The following ZBTB16 variants were observed in gnomAD, a reference collection of about 807,000 sequenced individuals.
The protein encoded by ZBTB16 is zinc finger and BTB domain-containing protein 16.
In ZBTB16, 8 loss-of-function variants were observed where a neutral mutation model predicts 56.8. That is an observed-to-expected ratio of 0.14 (90% CI 0.08 to 0.25). The LOEUF (loss-of-function observed/expected upper bound fraction) is 0.25, where lower values mean the gene tolerates loss of function less well. Among genes scored for constraint, ZBTB16 ranks in the 10% least tolerant of loss-of-function variants. The pLI is 1.00. For missense variants in ZBTB16, 625 were observed against 903.0 expected (o/e 0.69, Z 3.95); for synonymous variants, 363 against 368.5 (o/e 0.98, Z 0.17).
chr11:114,193,660 G>T (rs1438783646), intron 4 of ZBTB16, among the ~76,000 whole-genome samples: 4 of 152,168 alleles, frequency 2.6e-5, no homozygotes, highest in East Asian at 1.9e-4. Flanking sequence ...GAAGGGAGTT[G>T]CCTGATGACA....
chr11:114,230,228 T>TGTGCAACACACACATGCAC (rs1288479176), intron 4 of ZBTB16, among the ~76,000 whole-genome samples: 1 of 152,106 alleles, frequency 6.6e-6, no homozygotes, highest in African/African-American at 2.4e-5. Context: ...TGCACGTGCA[T>TGTGCAACACACACATGCAC]GTGCAACACA....
intron 2 of ZBTB16, among the ~76,000 whole-genome samples, chr11:114,098,428 A>T (rs1940495158): frequency 6.6e-6 from 1 of 152,294 alleles, no homozygotes; most frequent in East Asian, 1.9e-4. Context: ...CTTTAACGCC[A>T]GACACAGAGC....
intron 5 of ZBTB16, among the ~76,000 whole-genome samples, chr11:114,244,851 C>T (rs900166638): frequency 2.6e-5 from 4 of 152,098 alleles, no homozygotes; most frequent in Non-Finnish European, 4.4e-5. Context: ...CGCCCCCTTC[C>T]CCCCCACCGC....
intron 4 of ZBTB16, among the ~76,000 whole-genome samples, chr11:114,237,911 T>G (rs928209821): frequency 1.3e-5 from 2 of 152,126 alleles, no homozygotes; most frequent in Non-Finnish European, 2.9e-5. Flanking sequence ...TCTCAGAGGC[T>G]CCCCTTTCTT....
At chr11:114,129,305 T>C (rs1442788644) in intron 2 of ZBTB16, among the ~76,000 whole-genome samples, 2 of 152,252 alleles carry the variant, frequency 1.3e-5, no homozygotes, top group Non-Finnish European at 2.9e-5. Context: ...CTGCAATTAC[T>C]GAGTACATTT....
Position 114,242,300 on chromosome 11 carries a change from C to G in ZBTB16, c.1587C>G (p.Ser529Arg). ...ICSECNRTFP[S>R]HTALKRHLRS... ...GTGAGTGCAACCGCACCTTCCCCAG[C>G]CACACGGCTCTCAAACGCCACCTGC... The change falls in exon 5 of 7, where the codon AGC becomes AGG. Residue 529 changes from serine to arginine, a missense_variant. Physicochemically the swap from Ser to Arg is moderately radical, Grantham distance 110 (BLOSUM62 -1). Around this residue, in one of 6 missense-constraint regions of ZBTB16, gnomAD observed 140 missense variants for 214.8 expected, o/e 0.65. Transcript: ENST00000335953. 1 of 1,614,064 alleles carries G rather than the reference C, an allele frequency of 6.2e-7. No homozygotes were observed. The highest frequency in any genetic ancestry group is 8.5e-7 in the Non-Finnish European group (1 of 1,180,046).
intron 4 of ZBTB16, among the ~76,000 whole-genome samples, chr11:114,212,339 G>T (rs1307514064): frequency 2.0e-5 from 3 of 152,060 alleles, no homozygotes; most frequent in Non-Finnish European, 4.4e-5. Context: ...AAAGTAAGGG[G>T]CTTTGTTGTG....
chr11:114,233,129 T>A (rs11214910), intron 4 of ZBTB16, among the ~76,000 whole-genome samples: 620 of 48,126 alleles, frequency 0.013, 4 homozygotes, highest in African/African-American at 0.028. Flanking sequence ...ACACACACTC[T>A]CTCTCTCTCA....
In ZBTB16 at chr11:114,194,488, T is replaced by C. The variant is rs1943564363; in HGVS notation, c.1453+7450T>C. Among the ~76,000 whole-genome samples, 3 of 152,202 alleles carry C rather than the reference T, an allele frequency of 2.0e-5. No individual in the cohort carries two copies. The South Asian group carries it at 6.2e-4, about 32-fold the overall frequency. ...ATGGTTGGGCTGGGCTCAGGCTTTG[T>C]TGTCACATTCAGTTTTCTGTTTTGG... On this transcript the variant is annotated intron_variant, in intron 4 of 6. Transcript: ENST00000335953.
chr11:114,200,489 C>T (rs544956405), intron 4 of ZBTB16, among the ~76,000 whole-genome samples: 27 of 152,160 alleles, frequency 1.8e-4, no homozygotes, highest in Admixed American at 4.6e-4. Flanking sequence ...ATATAGTCAT[C>T]AGGACACCAC....
At chr11:114,167,309 T>TTC (rs3057734) in intron 3 of ZBTB16, among the ~76,000 whole-genome samples, 1,756 of 131,196 alleles carry the variant, frequency 0.013, 21 homozygotes, top group Non-Finnish European at 0.021. Context: ...TGGCTGTGTT[T>TTC]TCTCTCTCTC....
intron 4 of ZBTB16, among the ~76,000 whole-genome samples, chr11:114,203,409 A>G (rs1943779408): frequency 6.6e-6 from 1 of 152,008 alleles, no homozygotes; most frequent in African/African-American, 2.4e-5. Context: ...ATACATTAAA[A>G]ACCAATAAAA....
chr11:114,226,085 T>TG (rs1174115624), intron 4 of ZBTB16, among the ~76,000 whole-genome samples: 1 of 152,194 alleles, frequency 6.6e-6, no homozygotes, highest in Non-Finnish European at 1.5e-5. Context: ...GTAAGCTTCT[T>TG]GGGGCCAAGA....
intron 4 of ZBTB16, among the ~76,000 whole-genome samples, chr11:114,213,427 C>T (rs1944035375): frequency 6.6e-6 from 1 of 152,194 alleles, no homozygotes; most frequent in Non-Finnish European, 1.5e-5. Flanking sequence ...CCTTTCCATT[C>T]CCTCCATTCC....
At chr11:114,186,409 T>C (rs1202790653) in intron 3 of ZBTB16, among the ~76,000 whole-genome samples, 4 of 152,172 alleles carry the variant, frequency 2.6e-5, no homozygotes, top group Admixed American at 6.5e-5. Flanking sequence ...GTAAGGAGTT[T>C]GGACCTTGTT....
At chr11:114,205,409 C>CA (rs771668577) in intron 4 of ZBTB16, among the ~76,000 whole-genome samples, 1,315 of 95,004 alleles carry the variant, frequency 0.014, 14 homozygotes, top group African/African-American at 0.037. Context: ...GACTCCGTCT[C>CA]AAAAAAAAAA....
intron 3 of ZBTB16, among the ~76,000 whole-genome samples, chr11:114,159,739 G>A (rs1022064321): frequency 6.6e-6 from 1 of 152,164 alleles, no homozygotes. Context: ...AGAACTAGGT[G>A]ATGTTTTAGA....
At chr11:114,066,432 C>T (rs7950877) in intron 2 of ZBTB16, among the ~76,000 whole-genome samples, 4,890 of 152,298 alleles carry the variant, frequency 0.032, 232 homozygotes, top group African/African-American at 0.11. Flanking sequence ...AGGAAACCCG[C>T]TCCCCAAAGT....
In ZBTB16 at chr11:114,143,168, G is replaced by A. The variant is rs548711498; in HGVS notation, c.1269-13169G>A. 3.2e-4 allele frequency among the ~76,000 whole-genome samples: 48 copies of A among 152,168 alleles called. No homozygotes were observed. In the Middle Eastern group the frequency reaches 0.02, roughly 65 times the overall value. ...TGAGGGTGAGGAGCGGTGGGTACCCGGCTCTAAGCAATATGTTCTACTCCA... is the reference window on the plus strand; with the variant it reads ...TGAGGGTGAGGAGCGGTGGGTACCCAGCTCTAAGCAATATGTTCTACTCCA... On this transcript the variant is annotated intron_variant, in intron 2 of 6. Coordinates refer to ENST00000335953, the MANE Select transcript of ZBTB16 (RefSeq NM_006006.6). This position sits in a 1 kb window ranked among gnomAD's most constrained non-coding sequence, Gnocchi z 6.4.
Sources: gnomAD v4.1 joint callset for allele counts (sites outside exome capture counted in the v4.1 genomes callset) on GRCh38, gnomAD v4.1.1 for gene constraint, gnomAD v4.1.1 regional missense constraint, Gnocchi (gnomAD v3.1) non-coding constraint, MANE v1.5 for transcripts, NCBI Gene and HGNC (gene_info 2026-07-23, HGNC 2026-07-21) for gene names.